Variants in FHOD3 observed in about 807,000 individuals in gnomAD.
The protein encoded by FHOD3 is FH1/FH2 domain-containing protein 3.
Under a neutral mutation model 173.0 loss-of-function variants are expected in FHOD3, and 90 were observed. The ratio of observed to expected loss-of-function variants is 0.52; its 90% CI spans 0.44 to 0.62. The LOEUF is 0.62. Among genes scored for constraint, FHOD3 ranks in the 20% least tolerant of loss-of-function variants. The pLI is 0.00. For synonymous variants in FHOD3, 828 were observed against 823.0 expected (o/e 1.01, Z -0.10); for missense variants, 1,945 against 2,034.7 (o/e 0.96, Z 0.85).
chr18:36,745,904 C>A (rs576875652), intron 23 of FHOD3, among the ~76,000 whole-genome samples: 1 of 152,024 alleles, frequency 6.6e-6, no homozygotes, highest in African/African-American at 2.4e-5. Context: ...CTGACTTTTG[C>A]TTGCTGGACA....
intron 19 of FHOD3, among the ~76,000 whole-genome samples, chr18:36,727,108 G>A (rs1798596247): frequency 6.6e-6 from 1 of 152,080 alleles, no homozygotes. Flanking sequence ...TGGAGAGGTG[G>A]GAATGGAGAA....
At chr18:36,630,637 C>A (rs1472311212) in intron 10 of FHOD3, among the ~76,000 whole-genome samples, 2 of 152,168 alleles carry the variant, frequency 1.3e-5, no homozygotes, top group Non-Finnish European at 2.9e-5. Flanking sequence ...TACATCCAGG[C>A]TTCACGAACC....
intron 1 of FHOD3, among the ~76,000 whole-genome samples, chr18:36,340,097 C>T (rs1318407288): frequency 6.6e-6 from 1 of 152,130 alleles, no homozygotes; most frequent in Non-Finnish European, 1.5e-5. Context: ...TTGTAGTATT[C>T]TTGTTTGAAC....
chr18:36,599,558 A>G (rs2031046324), intron 7 of FHOD3, among the ~76,000 whole-genome samples: 1 of 152,216 alleles, frequency 6.6e-6, no homozygotes, highest in African/African-American at 2.4e-5. Flanking sequence ...GTGAAAAGAC[A>G]TGGAACATGC....
At chr18:36,466,204 A>G (rs1026936143) in intron 3 of FHOD3, among the ~76,000 whole-genome samples, 1 of 152,218 alleles carries the variant, frequency 6.6e-6, no homozygotes, top group Non-Finnish European at 1.5e-5. Context: ...CCGCAGAGAC[A>G]TGACTTGCTG....
chr18:36,518,774 A>G (rs956444463), intron 5 of FHOD3, among the ~76,000 whole-genome samples: 2 of 152,186 alleles, frequency 1.3e-5, no homozygotes, highest in African/African-American at 2.4e-5. Context: ...CTTGAAGCAG[A>G]AAGATGCAAT....
intron 10 of FHOD3, among the ~76,000 whole-genome samples, 174 bp from the exon 11 acceptor site, chr18:36,649,142 A>G (rs996770161): frequency 6.6e-6 from 1 of 150,652 alleles, no homozygotes; most frequent in Non-Finnish European, 1.5e-5. Context: ...CTCCTAACAG[A>G]CTGAGTGTGC....
At chr18:36,398,861 A>T (rs181803384) in intron 3 of FHOD3, among the ~76,000 whole-genome samples, 171 of 152,016 alleles carry the variant, frequency 1.1e-3, no homozygotes, top group Middle Eastern at 0.01. Context: ...GTGTGTTGTG[A>T]GGAGGGAGGT....
chr18:36,693,288 G>T lies in FHOD3; in HGVS notation c.2101G>T (p.Asp701Tyr), dbSNP rs371328026. The T allele has an allele frequency of 6.2e-7, 1 of 1,613,646 alleles. No homozygotes were observed. The highest frequency in any genetic ancestry group is 1.3e-5 in the African/African-American group (1 of 74,928). ...CCGGAGTGTGAGCCGGGGCAGAGCC[G>T]ACCTCTCCTTGGACCTGACCTCGCC... ...RSRSVSRGRA[D>Y]LSLDLTSPAA... The change falls in exon 17 of 29, where the codon GAC (aspartate) becomes TAC (tyrosine). Residue 701 changes from aspartate (D) to tyrosine (Y), a missense_variant. By Grantham distance (160) the Asp-to-Tyr change is radical (BLOSUM62 -3). Around this residue, in one of 5 missense-constraint regions of FHOD3, gnomAD observed 1,099 missense variants for 1,051.2 expected, o/e 1.05. Coordinates refer to ENST00000590592, the MANE Select transcript of FHOD3 (RefSeq NM_001281740.3).
In FHOD3 at chr18:36,407,969, A is replaced by G. The variant is rs1007555967; in HGVS notation, c.337+35225A>G. On this transcript the variant is annotated intron_variant, in intron 3 of 28. Coordinates refer to ENST00000590592, the MANE Select transcript of FHOD3 (RefSeq NM_001281740.3). Reference sequence around the variant, plus strand: ...TTCTCATATGATATAGGGAGTACAGATGTAAGGTAGATAGATGATATTGGA... The same window carrying G: ...TTCTCATATGATATAGGGAGTACAGGTGTAAGGTAGATAGATGATATTGGA... Among the ~76,000 whole-genome samples the G allele has an allele frequency of 1.3e-5, 2 of 152,192 alleles. 1 individual carries two copies. Among genetic ancestry groups the G allele is most frequent in the Admixed American group, 1.3e-4 (2 of 15,274 alleles).
intron 18 of FHOD3, among the ~76,000 whole-genome samples, chr18:36,715,038 G>A (rs892613091): frequency 2.6e-5 from 4 of 152,138 alleles, no homozygotes; most frequent in African/African-American, 9.7e-5. Context: ...GCCTGGGTCT[G>A]CTGCCACATC....
At chr18:36,456,615 G>T (rs948407779) in intron 3 of FHOD3, among the ~76,000 whole-genome samples, 1 of 152,088 alleles carries the variant, frequency 6.6e-6, no homozygotes, top group African/African-American at 2.4e-5. Flanking sequence ...GGTACTACTG[G>T]ATGGGGCTGG....
At position 36,583,805 on chromosome 18, in the gene FHOD3, A is replaced by AATTATT. The variant is rs112886691; in HGVS notation, c.606+7277_606+7282dup. ...ACTATTATCTGAGGTTTTATTGTTT[A>AATTATT]ATTATTATTATTATTATTATTACTA... is the stretch of plus-strand genomic sequence containing the variant. On this transcript the variant is annotated intron_variant, in intron 6 of 28. Transcript: ENST00000590592. Among the ~76,000 whole-genome samples the AATTATT allele has an allele frequency of 4.0e-5, 6 of 151,096 alleles. No homozygotes were observed. The East Asian group carries it at 7.7e-4, about 19-fold the overall frequency.
intron 4 of FHOD3, among the ~76,000 whole-genome samples, chr18:36,503,113 C>T (rs1359585478): frequency 2.0e-5 from 3 of 152,132 alleles, no homozygotes; most frequent in South Asian, 2.1e-4. Context: ...TAAACCTTCC[C>T]TCCATTCCTA....
In FHOD3 at chr18:36,580,184, G is replaced by T. The variant is rs955932328; in HGVS notation, c.606+3639G>T. Among the ~76,000 whole-genome samples the T allele has an allele frequency of 2.0e-5, 3 of 152,156 alleles. 1 individual carries two copies. Among genetic ancestry groups the T allele is most frequent in the Admixed American group, 2.0e-4 (3 of 15,280 alleles). On this transcript the variant is annotated intron_variant, in intron 6 of 28. Coordinates refer to ENST00000590592, the MANE Select transcript of FHOD3 (RefSeq NM_001281740.3). ...TTTCCCAGCCTCCCCATCCTACACGGTGCACTCGGTGTGTGCTTCCTCAGT... is the reference window on the plus strand; with the variant it reads ...TTTCCCAGCCTCCCCATCCTACACGTTGCACTCGGTGTGTGCTTCCTCAGT...
At chr18:36,546,995 A>G (rs1235995506) in intron 5 of FHOD3, among the ~76,000 whole-genome samples, 2 of 152,208 alleles carry the variant, frequency 1.3e-5, no homozygotes, top group African/African-American at 4.8e-5. Flanking sequence ...TAGAGCATCA[A>G]TTCACACTGC....
chr18:36,406,098 T>TG (rs1300680688), intron 3 of FHOD3, among the ~76,000 whole-genome samples: 1 of 149,666 alleles, frequency 6.7e-6, no homozygotes. Context: ...TGTTTTTGTT[T>TG]TTTTGTTTTT....
intron 3 of FHOD3, among the ~76,000 whole-genome samples, chr18:36,490,565 T>G (rs17673891): frequency 0.078 from 11,863 of 152,174 alleles, 928 homozygotes; most frequent in East Asian, 0.27. Context: ...TTTTGCAGCC[T>G]CTTGGTGAAT....
chr18:36,735,457 A>G (rs145438449), intron 20 of FHOD3, among the ~76,000 whole-genome samples: 223 of 152,300 alleles, frequency 1.5e-3, no homozygotes, highest in African/African-American at 5.2e-3. Flanking sequence ...AATCCCTATG[A>G]ACTATGGAGC....
Sources: gnomAD v4.1 joint callset for allele counts (sites outside exome capture counted in the v4.1 genomes callset) on GRCh38, gnomAD v4.1.1 for gene constraint, gnomAD v4.1.1 regional missense constraint, MANE v1.5 for transcripts, NCBI Gene and HGNC (gene_info 2026-07-23, HGNC 2026-07-21) for gene names.